LRP2: variants seen among roughly 807,000 people sequenced by gnomAD.
LRP2 encodes the protein LDL receptor related protein 2.
A neutral mutation model predicts 531.0 loss-of-function variants in LRP2; 172 were observed. The observed-to-expected ratio is 0.32, with a 90% CI of 0.29 to 0.37. LRP2 has a LOEUF of 0.37. Among genes scored for constraint, LRP2 ranks in the 10% least tolerant of loss-of-function variants. The pLI is 1.00. For missense variants in LRP2, 5,167 were observed against 5,868.3 expected (o/e 0.88, Z 3.90); for synonymous variants, 1,992 against 2,027.6 (o/e 0.98, Z 0.47).
intron 1 of LRP2, among the ~76,000 whole-genome samples, chr2:169,335,724 G>T (rs934725269): frequency 6.6e-6 from 1 of 152,110 alleles, no homozygotes; most frequent in Non-Finnish European, 1.5e-5. Flanking sequence ...TTTCCTAAAA[G>T]CATGAAAGGC....
chr2:169,335,024 T>C (rs1267579922), intron 1 of LRP2, among the ~76,000 whole-genome samples: 1 of 152,172 alleles, frequency 6.6e-6, no homozygotes, highest in Non-Finnish European at 1.5e-5. Context: ...TGCTCAACAC[T>C]GAAAGCACAG....
At chr2:169,353,774 T>G (rs1181602528) in intron 1 of LRP2, among the ~76,000 whole-genome samples, 2 of 152,188 alleles carry the variant, frequency 1.3e-5, no homozygotes, top group Admixed American at 1.3e-4. Flanking sequence ...GAGGATCACT[T>G]GAGCTCAGGG....
At chr2:169,185,464 A>G in intron 50 of LRP2, 39 bp downstream of exon 50, 2 of 1,602,082 alleles carry the variant, frequency 1.2e-6, no homozygotes, top group Non-Finnish European at 1.7e-6. Flanking sequence ...AGAATTTTTT[A>G]ATTTTTAACT....
intron 1 of LRP2, among the ~76,000 whole-genome samples, chr2:169,334,089 A>G (rs549211481): frequency 2.0e-5 from 3 of 152,302 alleles, no homozygotes; most frequent in Admixed American, 6.5e-5. Context: ...TAAAATTACA[A>G]GTTTATCTGC....
rs770848108 is a variant in LRP2, at chr2:169,181,574, C to T, written c.10043G>A (p.Arg3348Lys). The T allele has an allele frequency of 5.6e-6, 9 of 1,614,168 alleles. No individual in the cohort carries two copies. The highest frequency in any genetic ancestry group is 6.8e-6 in the Non-Finnish European group (8 of 1,180,024). ...ADWGHRAYIGRVGMDGTNKSV... is the reference protein window; with the variant it reads ...ADWGHRAYIGKVGMDGTNKSV... ...CTTGTTGGTTCCATCCATGCCTACT[C>T]TCCCAATGTATGCGCGGTGACCCCA... Residue 3348 changes from arginine to lysine, a missense_variant, in exon 52 of 79, where the codon AGA becomes AAA. Coordinates refer to ENST00000649046, the MANE Select transcript of LRP2 (RefSeq NM_004525.3).
chr2:169,197,179 G>A (rs1357988591), intron 45 of LRP2, 149 bp from the exon 46 acceptor site: 1 of 902,586 alleles, frequency 1.1e-6, no homozygotes, highest in Non-Finnish European at 1.7e-6. Context: ...TAAGCTTTCT[G>A]TGGGGAGGAA....
chr2:169,331,835 G>C (rs937764653), intron 1 of LRP2, among the ~76,000 whole-genome samples: 1 of 152,080 alleles, frequency 6.6e-6, no homozygotes, highest in African/African-American at 2.4e-5. Context: ...ATTCCTATAC[G>C]GCTTTTTGAT....
At chr2:169,131,183 T>G (rs1198716625) in intron 77 of LRP2, among the ~76,000 whole-genome samples, 1 of 152,084 alleles carries the variant, frequency 6.6e-6, no homozygotes, top group Non-Finnish European at 1.5e-5. Context: ...GAAAAAATGT[T>G]TAGTCCCTTG....
At chr2:169,308,924 G>A (rs79048997) in intron 3 of LRP2, among the ~76,000 whole-genome samples, 87,009 of 151,828 alleles carry the variant, frequency 0.57, 26,051 homozygotes, top group South Asian at 0.71. Context: ...TCTAACTGGT[G>A]TGAGATGATA....
In LRP2 at chr2:169,173,145, C is replaced by T. The variant is rs758280421; in HGVS notation, c.11094G>A (p.Val3698=). The T allele has an allele frequency of 4.3e-6, 7 of 1,614,078 alleles. No individual in the cohort carries two copies. In the East Asian group the frequency reaches 8.9e-5, roughly 21 times the overall value. ...TNYRCIPKWA[V]CNGVDDCRDN... ...CCCTGCAGTCATCTACACCATTGCACACGGCCCACTTTGGGATGCAGCGGT... is the reference window on the plus strand; with the variant it reads ...CCCTGCAGTCATCTACACCATTGCATACGGCCCACTTTGGGATGCAGCGGT... Residue 3698 remains valine, a synonymous_variant, in exon 57 of 79, where the codon GTG becomes GTA. Transcript: ENST00000649046.
intron 4 of LRP2, among the ~76,000 whole-genome samples, chr2:169,298,740 T>A (rs930398453): frequency 6.6e-6 from 1 of 151,846 alleles, no homozygotes; most frequent in African/African-American, 2.4e-5. Flanking sequence ...TATGATATAA[T>A]CTAGGAATTC....
At chr2:169,309,617 G>C (rs956073428) in intron 3 of LRP2, among the ~76,000 whole-genome samples, 1 of 152,130 alleles carries the variant, frequency 6.6e-6, no homozygotes, top group Non-Finnish European at 1.5e-5. Flanking sequence ...TGCTGTTTTG[G>C]TTACTGTAGC....
At chr2:169,172,816 A>G (rs750126880) in intron 57 of LRP2, among the ~76,000 whole-genome samples, 2 of 152,250 alleles carry the variant, frequency 1.3e-5, no homozygotes, top group African/African-American at 2.4e-5. Flanking sequence ...AGTATGAATA[A>G]GGATTCTACA....
chr2:169,151,602 C>A (rs966430979), intron 67 of LRP2, among the ~76,000 whole-genome samples: 1 of 152,132 alleles, frequency 6.6e-6, no homozygotes. Flanking sequence ...ATAACAAACT[C>A]GGCAAGACTG....
At chr2:169,157,550 C>CA (rs1686377616) in intron 63 of LRP2, 48 bp from the exon 64 acceptor site, 1 of 1,605,834 alleles carries the variant, frequency 6.2e-7, no homozygotes, top group Non-Finnish European at 8.5e-7. Flanking sequence ...CCACAAATAA[C>CA]AGTCAAGTGG....
At chr2:169,248,013 G>A (rs1690080320) in intron 19 of LRP2, among the ~76,000 whole-genome samples, 1 of 151,952 alleles carries the variant, frequency 6.6e-6, no homozygotes, top group Non-Finnish European at 1.5e-5. Context: ...TTTTTCCCTT[G>A]ACTTAAATAA....
intron 21 of LRP2, among the ~76,000 whole-genome samples, chr2:169,246,089 T>G (rs1689992983): frequency 6.6e-6 from 1 of 151,872 alleles, no homozygotes; most frequent in Non-Finnish European, 1.5e-5. Flanking sequence ...TAGCTACTTG[T>G]AATTTTGTTT....
intron 71 of LRP2, 58 bp downstream of exon 71, chr2:169,142,616 C>T (rs1685764370): frequency 3.7e-6 from 6 of 1,608,708 alleles, no homozygotes; most frequent in African/African-American, 1.3e-5. Context: ...CTTCTGACTC[C>T]TGAAGGCAGC....
chr2:169,271,560 G>C (rs1010914024), intron 15 of LRP2: 4 of 183,988 alleles, frequency 2.2e-5, no homozygotes, highest in African/African-American at 7.2e-5. Context: ...ATTAGATACT[G>C]AGTTTTAATT....
Sources: allele counts gnomAD v4.1 joint callset (sites outside exome capture counted in the v4.1 genomes callset), GRCh38; gene constraint gnomAD v4.1.1; transcripts MANE v1.5; gene names NCBI Gene and HGNC (gene_info 2026-07-23, HGNC 2026-07-21).